The following SLC14A2 variants were observed in gnomAD, a reference collection of about 807,000 sequenced individuals.
SLC14A2 encodes the protein urea transporter 2.
In SLC14A2, 91 loss-of-function variants were observed where a neutral mutation model predicts 104.6. The ratio of observed to expected loss-of-function variants is 0.87; its 90% CI spans 0.73 to 1.04. The LOEUF is 1.04. SLC14A2 is among the 50% of genes least tolerant of loss of function. SLC14A2 has a pLI of 0.00. For synonymous variants in SLC14A2, 476 were observed against 466.4 expected (o/e 1.02, Z -0.27); for missense variants, 1,189 against 1,156.0 (o/e 1.03, Z -0.41).
At chr18:45,457,988 A>G (rs1440656195) in intron 1 of SLC14A2, among the ~76,000 whole-genome samples, 1 of 152,164 alleles carries the variant, frequency 6.6e-6, no homozygotes, top group African/African-American at 2.4e-5. Context: ...CTGCAGACAC[A>G]CACATGTGAG....
intron 1 of SLC14A2, among the ~76,000 whole-genome samples, chr18:45,442,342 G>C (rs766698294): frequency 4.6e-5 from 7 of 152,290 alleles, no homozygotes; most frequent in Middle Eastern, 3.4e-3. Context: ...AGAAGTCAGA[G>C]ATCAAGGTAT....
chr18:45,208,444 A>T (rs1248623234), upstream of SLC14A2, among the ~76,000 whole-genome samples: 1 of 152,214 alleles, frequency 6.6e-6, no homozygotes, highest in Admixed American at 6.5e-5. Context: ...CAGGTGGCCA[A>T]CTATAGTGGT....
intron 2 of SLC14A2, among the ~76,000 whole-genome samples, chr18:45,561,374 G>C (rs1243517821): frequency 6.6e-6 from 1 of 152,180 alleles, no homozygotes; most frequent in Non-Finnish European, 1.5e-5. Context: ...CTCTGCAAGA[G>C]AGTGACAGCA....
At chr18:45,370,521 A>C (rs2085711598) in intron 1 of SLC14A2, among the ~76,000 whole-genome samples, 1 of 152,174 alleles carries the variant, frequency 6.6e-6, no homozygotes, top group Admixed American at 6.5e-5. Flanking sequence ...AAAGACCCAA[A>C]ATATATGTGT....
intron 1 of SLC14A2, among the ~76,000 whole-genome samples, chr18:45,387,078 G>C (rs1018275208): frequency 2.2e-4 from 34 of 152,138 alleles, no homozygotes; most frequent in African/African-American, 7.7e-4. Context: ...CAGCCCAGTT[G>C]CTACTACTTC....
intron 1 of SLC14A2, among the ~76,000 whole-genome samples, chr18:45,457,902 G>C (rs1046111604): frequency 6.6e-6 from 1 of 152,164 alleles, no homozygotes; most frequent in Non-Finnish European, 1.5e-5. Context: ...AAGCATCCTG[G>C]AGTCAGATGC....
intron 2 of SLC14A2, among the ~76,000 whole-genome samples, chr18:45,555,919 G>C (rs1308918785): frequency 1.1e-4 from 16 of 152,198 alleles, no homozygotes; most frequent in Non-Finnish European, 2.2e-4. Flanking sequence ...CATTGCATTG[G>C]AGTGTGCAGG....
chr18:45,468,861 T>TCAAAG (rs1169994102), intron 1 of SLC14A2, among the ~76,000 whole-genome samples: 2 of 152,230 alleles, frequency 1.3e-5, no homozygotes, highest in East Asian at 3.8e-4. Context: ...CCTTGTAAGA[T>TCAAAG]ATCAAAGATA....
chr18:45,237,474 C>T (rs933672986), intron 1 of SLC14A2, among the ~76,000 whole-genome samples: 2 of 152,192 alleles, frequency 1.3e-5, no homozygotes, highest in Non-Finnish European at 2.9e-5. Context: ...CTCTAGTCGG[C>T]ACAGCATGCT....
At chr18:45,614,082 T>C (rs2045019341), upstream of SLC14A2, among the ~76,000 whole-genome samples, 1 of 152,340 alleles carries the variant, frequency 6.6e-6, no homozygotes, top group Non-Finnish European at 1.5e-5. Flanking sequence ...GCCCCACTAC[T>C]GCCCTATGCA....
intron 1 of SLC14A2, among the ~76,000 whole-genome samples, chr18:45,441,951 C>T (rs1179385411): frequency 6.6e-6 from 1 of 152,194 alleles, no homozygotes; most frequent in Non-Finnish European, 1.5e-5. Flanking sequence ...AAGTAGACAA[C>T]AGACCCCGGA....
At chr18:45,452,279 G>A (rs1353821710) in intron 1 of SLC14A2, among the ~76,000 whole-genome samples, 5 of 152,164 alleles carry the variant, frequency 3.3e-5, no homozygotes, top group Non-Finnish European at 7.3e-5. Context: ...CCCAGCACTT[G>A]GGGTACTAAC....
Position 45,641,203 on chromosome 18 carries a change from C to A in SLC14A2, c.992-6C>A. ...TCAGACAGAAATACCACACCTTGTC[C>A]CATAGCCCTGTCAGTGGCCACACCC... On this transcript the variant is annotated splice_region_variant and splice_polypyrimidine_tract_variant and intron_variant, in intron 7 of 19. Transcript: ENST00000255226. 14 of 1,613,862 alleles carry A rather than the reference C, an allele frequency of 8.7e-6. No homozygotes were observed. Among genetic ancestry groups the A allele is most frequent in the Admixed American group, 1.7e-5 (1 of 59,998 alleles).
chr18:45,664,055 A>G, intron 11 of SLC14A2, 148 bp downstream of exon 11: 1 of 791,156 alleles, frequency 1.3e-6, no homozygotes, highest in Non-Finnish European at 1.9e-6. Context: ...GACCAAGGCC[A>G]CAGTTCCCCG....
the SLC14A2 span, among the ~76,000 whole-genome samples, chr18:45,185,858 T>G: frequency 6.6e-6 from 1 of 152,112 alleles, no homozygotes; most frequent in Admixed American, 6.5e-5. Context: ...AATCATAAAC[T>G]AAATTTTTTT....
At chr18:45,234,577 C>G (rs532609752) in intron 1 of SLC14A2, among the ~76,000 whole-genome samples, 4 of 152,160 alleles carry the variant, frequency 2.6e-5, no homozygotes, top group Non-Finnish European at 4.4e-5. Context: ...TAAGTGGAGA[C>G]GCATAGACTA....
chr18:45,582,069 T>C (rs1187370303), intron 2 of SLC14A2, among the ~76,000 whole-genome samples: 2 of 152,132 alleles, frequency 1.3e-5, no homozygotes, highest in East Asian at 1.9e-4. Flanking sequence ...CAATGAGATA[T>C]AGATGAAAAG....
At chr18:45,453,828 G>A (rs978699636) in intron 1 of SLC14A2, among the ~76,000 whole-genome samples, 3 of 144,628 alleles carry the variant, frequency 2.1e-5, no homozygotes, top group Non-Finnish European at 3.0e-5. Flanking sequence ...AGCAAGTTCC[G>A]CTTTCTTTTT....
At chr18:45,324,758 C>T (rs897459583) in intron 1 of SLC14A2, among the ~76,000 whole-genome samples, 2 of 151,954 alleles carry the variant, frequency 1.3e-5, no homozygotes, top group African/African-American at 2.4e-5. Flanking sequence ...CACCGCCCCC[C>T]ACCCCCGCAC....
Sources: gnomAD v4.1 joint callset for allele counts (sites outside exome capture counted in the v4.1 genomes callset) on GRCh38, gnomAD v4.1.1 for gene constraint, MANE v1.5 for transcripts, NCBI Gene and HGNC (gene_info 2026-07-23, HGNC 2026-07-21) for gene names.